The following IL1RL2 variants were observed in gnomAD, a reference collection of about 807,000 sequenced individuals.
The protein encoded by IL1RL2 is interleukin-1 receptor-like 2.
A neutral mutation model predicts 66.8 loss-of-function variants in IL1RL2; 68 were observed. The ratio of observed to expected loss-of-function variants is 1.02; its 90% CI spans 0.84 to 1.25. The LOEUF (loss-of-function observed/expected upper bound fraction) is 1.25, where lower values mean the gene tolerates loss of function less well. Among genes scored for constraint, IL1RL2 ranks in the 50% most tolerant of loss-of-function variants. The pLI, the probability that IL1RL2 is intolerant of heterozygous loss-of-function variation, is 0.00. For missense variants in IL1RL2, 729 were observed against 709.3 expected (o/e 1.03, Z -0.32); for synonymous variants, 305 against 264.6 (o/e 1.15, Z -1.48).
intron 4 of IL1RL2, among the ~76,000 whole-genome samples, chr2:102,195,562 T>TTTCC (rs1269042673): frequency 6.7e-4 from 6 of 8,938 alleles, no homozygotes; most frequent in Admixed American, 1.4e-3. Flanking sequence ...TTTCTTTCTC[T>TTTCC]TTCTTTCTTT....
chr2:102,228,867 A>G (rs1020002661), intron 9 of IL1RL2, among the ~76,000 whole-genome samples: 3 of 151,860 alleles, frequency 2.0e-5, no homozygotes, highest in African/African-American at 7.3e-5. Context: ...ACTAATTTCC[A>G]AAGGCAGATT....
chr2:102,226,260 T>C (rs1223200584), intron 9 of IL1RL2, among the ~76,000 whole-genome samples: 1 of 152,170 alleles, frequency 6.6e-6, no homozygotes, highest in Non-Finnish European at 1.5e-5. Flanking sequence ...ATTGAGGAAA[T>C]ATTTGCTAAG....
intron 11 of IL1RL2, chr2:102,235,484 G>A (rs1473972278): frequency 2.0e-6 from 2 of 985,342 alleles, no homozygotes; most frequent in Non-Finnish European, 2.4e-6. Flanking sequence ...CACGGCTTCT[G>A]CAGAAGGCCC....
chr2:102,207,735 G>T (rs951166277), intron 5 of IL1RL2, among the ~76,000 whole-genome samples: 8 of 152,174 alleles, frequency 5.3e-5, no homozygotes, highest in Non-Finnish European at 1.2e-4. Context: ...TCCCTTGGCT[G>T]CCCTAGATGG....
At chr2:102,203,170 G>A (rs1446323518) in intron 5 of IL1RL2, among the ~76,000 whole-genome samples, 1 of 152,150 alleles carries the variant, frequency 6.6e-6, no homozygotes, top group African/African-American at 2.4e-5. Flanking sequence ...TTGATATGAT[G>A]TATTACATTG....
chr2:102,209,989 A>G (rs1158439445), intron 5 of IL1RL2, among the ~76,000 whole-genome samples: 1 of 152,194 alleles, frequency 6.6e-6, no homozygotes, highest in Non-Finnish European at 1.5e-5. Context: ...AAAGGAAGGC[A>G]GAGAATAATC....
chr2:102,231,995 T>C (rs947878100), intron 9 of IL1RL2, among the ~76,000 whole-genome samples: 1 of 151,874 alleles, frequency 6.6e-6, no homozygotes, highest in African/African-American at 2.4e-5. Context: ...TAGAGTTTCC[T>C]GCTTTTTGTT....
Position 102,226,733 on chromosome 2 carries a change from A to G in IL1RL2, c.1135+692A>G, listed in dbSNP as rs1690652080. Among the ~76,000 whole-genome samples the G allele has an allele frequency of 2.0e-5, 3 of 152,158 alleles. No individual in the cohort carries two copies. In the South Asian group the frequency reaches 6.2e-4, roughly 31 times the overall value. On this transcript the variant is annotated intron_variant, in intron 9 of 11. Transcript: ENST00000264257. ...GGAAGAAGGGAGTTTCGTAGAAAAG[A>G]AACTAAAGAAAGCAGGGGAGAGAGA...
At chr2:102,214,659 T>TA (rs1689448161) in intron 6 of IL1RL2, among the ~76,000 whole-genome samples, 1 of 152,106 alleles carries the variant, frequency 6.6e-6, no homozygotes, top group Admixed American at 6.5e-5. Flanking sequence ...CCAATTAAAT[T>TA]ACCAAATATC....
intron 3 of IL1RL2, 84 bp downstream of exon 3, chr2:102,189,394 T>C: frequency 1.2e-6 from 1 of 801,922 alleles, no homozygotes; most frequent in Non-Finnish European, 1.9e-6. Context: ...CATAGAAAAC[T>C]CTTGAGAAGA....
intron 4 of IL1RL2, among the ~76,000 whole-genome samples, chr2:102,195,720 T>G (rs1472786272): frequency 2.0e-5 from 3 of 148,514 alleles, no homozygotes; most frequent in African/African-American, 7.5e-5. Context: ...TTTCTTTTTT[T>G]TTTTCTTTTT....
Position 102,191,915 on chromosome 2 carries a change from T to A in IL1RL2, c.294-10T>A. On this transcript the variant is annotated splice_polypyrimidine_tract_variant and intron_variant, in intron 3 of 11. Coordinates refer to ENST00000264257, the MANE Select transcript of IL1RL2 (RefSeq NM_003854.4). Reference sequence around the variant, plus strand: ...TTAAAGAGTTTATGAGGTCTCAATCTGTCTTACAGGGGTAGAGACAGCTGT... The same window carrying A: ...TTAAAGAGTTTATGAGGTCTCAATCAGTCTTACAGGGGTAGAGACAGCTGT... The A allele has an allele frequency of 6.4e-7, 1 of 1,563,202 alleles. No individual in the cohort carries two copies. Among genetic ancestry groups the A allele is most frequent in the Non-Finnish European group, 8.7e-7 (1 of 1,153,900 alleles).
At chr2:102,215,109 A>C (rs1689493227) in intron 6 of IL1RL2, among the ~76,000 whole-genome samples, 1 of 152,234 alleles carries the variant, frequency 6.6e-6, no homozygotes, top group Non-Finnish European at 1.5e-5. Context: ...ATTACCACAG[A>C]CACCTGCAGT....
At chr2:102,238,556 C>T (rs966318395) in intron 11 of IL1RL2, among the ~76,000 whole-genome samples, 1 of 152,226 alleles carries the variant, frequency 6.6e-6, no homozygotes, top group African/African-American at 2.4e-5. Flanking sequence ...GTTGGTTGAC[C>T]TTTCCTCGGC....
At chr2:102,198,281 C>T (rs759405761) in intron 4 of IL1RL2, among the ~76,000 whole-genome samples, 2 of 152,108 alleles carry the variant, frequency 1.3e-5, no homozygotes, top group Non-Finnish European at 2.9e-5. Flanking sequence ...TGGATAATGG[C>T]AAATCCCTAC....
chr2:102,215,652 AC>A (rs1349661448), intron 6 of IL1RL2, among the ~76,000 whole-genome samples: 1 of 151,974 alleles, frequency 6.6e-6, no homozygotes, highest in African/African-American at 2.4e-5. Flanking sequence ...GTGCACACAC[AC>A]CCTTGGCCTG....
chr2:102,199,098 C>A (rs1688021244), intron 4 of IL1RL2, among the ~76,000 whole-genome samples: 2 of 152,176 alleles, frequency 1.3e-5, no homozygotes, highest in African/African-American at 4.8e-5. Context: ...TCACTAAATT[C>A]TGTGGACTGG....
chr2:102,189,048 T>G, intron 2 of IL1RL2, 28 bp from the exon 3 acceptor site: 1 of 1,517,542 alleles, frequency 6.6e-7, no homozygotes, highest in Non-Finnish European at 9.1e-7. Context: ...TCATGGATAA[T>G]TGTTTTGTTT....
chr2:102,238,244 C>T (rs1165981159), intron 11 of IL1RL2, among the ~76,000 whole-genome samples: 1 of 152,056 alleles, frequency 6.6e-6, no homozygotes, highest in Non-Finnish European at 1.5e-5. Context: ...CCCATAATGA[C>T]TGAGTCAGCC....
Sources: gnomAD v4.1 joint callset for allele counts (sites outside exome capture counted in the v4.1 genomes callset) on GRCh38, gnomAD v4.1.1 for gene constraint, MANE v1.5 for transcripts, NCBI Gene and HGNC (gene_info 2026-07-23, HGNC 2026-07-21) for gene names.